PJA2: variants seen among roughly 807,000 people sequenced by gnomAD.
The protein encoded by PJA2 is praja ring finger ubiquitin ligase 2.
In PJA2, 25 loss-of-function variants were observed where a neutral mutation model predicts 69.3. The observed-to-expected ratio is 0.36, with a 90% confidence interval of 0.26 to 0.50. The LOEUF (loss-of-function observed/expected upper bound fraction) is 0.50, where lower values mean the gene tolerates loss of function less well. PJA2 is among the 20% of genes least tolerant of loss of function. The pLI is 0.96. For missense variants in PJA2, 809 were observed against 830.2 expected (o/e 0.97, Z 0.31); for synonymous variants, 308 against 277.8 (o/e 1.11, Z -1.08).
chr5:109,364,550 G>A, intron 5 of PJA2, among the ~76,000 whole-genome samples: 1 of 149,578 alleles, frequency 6.7e-6, no homozygotes, highest in African/African-American at 2.5e-5. Flanking sequence ...GTGAACCCGG[G>A]AGGCGGAGCT....
intron 1 of PJA2, among the ~76,000 whole-genome samples, chr5:109,408,021 G>C (rs75387065): frequency 0.03 from 4,612 of 152,144 alleles, 91 homozygotes; most frequent in Middle Eastern, 0.048. Flanking sequence ...AAACATTCAA[G>C]AATATTTTCA....
At chr5:109,387,869 T>G (rs1747194794) in intron 1 of PJA2, among the ~76,000 whole-genome samples, 1 of 152,214 alleles carries the variant, frequency 6.6e-6, no homozygotes, top group Non-Finnish European at 1.5e-5. Flanking sequence ...TCTAGTACAT[T>G]GTCTGACAGT....
intron 1 of PJA2, among the ~76,000 whole-genome samples, chr5:109,398,071 T>C (rs911188171): frequency 4.6e-5 from 7 of 152,148 alleles, no homozygotes; most frequent in Admixed American, 2.0e-4. Flanking sequence ...TCACTGGCCA[T>C]CAGAGAAATG....
chr5:109,378,612 T>C lies in PJA2; in HGVS notation c.875A>G (p.His292Arg), dbSNP rs765800510. ...ATTGGTATTTTGTTCACTACAAATATGCCCTGGACCACAGGCTGCATCTTC... is the reference window on the plus strand; with the variant it reads ...ATTGGTATTTTGTTCACTACAAATACGCCCTGGACCACAGGCTGCATCTTC... ...SPEDAACGPG[H>R]ICSEQNTNDR... The change falls in exon 4 of 10, where the codon CAT (histidine) becomes CGT (arginine). Residue 292 changes from histidine to arginine, a missense_variant. His to Arg is a conservative substitution (Grantham distance 29, BLOSUM62 0). This residue lies in a region of PJA2 where 700 missense variants were observed against 639.5 expected (regional missense o/e 1.09). Transcript: ENST00000361189. 7 of 1,614,240 alleles carry C rather than the reference T, an allele frequency of 4.3e-6. No individual in the cohort carries two copies. The highest frequency in any genetic ancestry group is 2.2e-5 in the South Asian group (2 of 91,086).
At chr5:109,368,768 A>G (rs757835682) in intron 4 of PJA2, 22 bp from the exon 5 acceptor site, 3 of 1,603,002 alleles carry the variant, frequency 1.9e-6, no homozygotes, top group Non-Finnish European at 2.6e-6. Flanking sequence ...AAGAGAAATA[A>G]ACTATCATAA....
chr5:109,341,413 C>A (rs1263514153), intron 9 of PJA2, among the ~76,000 whole-genome samples: 1 of 144,656 alleles, frequency 6.9e-6, no homozygotes, highest in Admixed American at 6.8e-5. Flanking sequence ...GCAACCACCC[C>A]GTCTGAGAAG....
chr5:109,391,097 T>TA (rs576262451), intron 1 of PJA2, among the ~76,000 whole-genome samples: 126 of 152,288 alleles, frequency 8.3e-4, no homozygotes, highest in African/African-American at 2.8e-3. Context: ...AAACCCATTG[T>TA]AAAGTTGAAA....
intron 4 of PJA2, 73 bp from the exon 5 acceptor site, chr5:109,368,819 G>T: frequency 1.4e-6 from 2 of 1,441,612 alleles, no homozygotes; most frequent in African/African-American, 1.4e-5. Context: ...TTAACTAGAT[G>T]ATATGGTTTG....
At position 109,378,925 on chromosome 5, in the gene PJA2, C is replaced by A; in HGVS notation, c.562G>T (p.Val188Leu). The change falls in exon 4 of 10, where the codon GTG (valine) becomes TTG (leucine). Residue 188 changes from valine to leucine, a missense_variant. Coordinates refer to ENST00000361189, the MANE Select transcript of PJA2 (RefSeq NM_014819.5). ...NDHLQLSAEV[V>L]EGSRYQESLG... Reference sequence around the variant, plus strand: ...GATTCCTGGTATCTACTACCTTCCACGACTTCTGCAGAAAGTTGAAGATGG... The same window carrying A: ...GATTCCTGGTATCTACTACCTTCCAAGACTTCTGCAGAAAGTTGAAGATGG... 1 of 1,614,172 alleles carries A rather than the reference C, an allele frequency of 6.2e-7. No homozygotes were observed. Among genetic ancestry groups the A allele is most frequent in the Non-Finnish European group, 8.5e-7 (1 of 1,180,040 alleles).
At chr5:109,404,233 T>C (rs751296831) in intron 1 of PJA2, among the ~76,000 whole-genome samples, 13 of 151,878 alleles carry the variant, frequency 8.6e-5, no homozygotes, top group Non-Finnish European at 1.8e-4. Flanking sequence ...CAGAAATTTA[T>C]TTCTCGGCTG....
At chr5:109,360,105 A>T (rs916881155) in intron 6 of PJA2, among the ~76,000 whole-genome samples, 1 of 152,208 alleles carries the variant, frequency 6.6e-6, no homozygotes, top group African/African-American at 2.4e-5. Context: ...TGTAAGTATA[A>T]AATTATATCA....
chr5:109,358,059 C>T (rs574301651), intron 6 of PJA2, among the ~76,000 whole-genome samples: 2 of 152,302 alleles, frequency 1.3e-5, no homozygotes, highest in South Asian at 4.1e-4. Context: ...AACAGGCCCT[C>T]CCAAAATCTG....
rs756899669 is a variant in PJA2 at position 109,378,708 on chromosome 5, G to A, written c.779C>T (p.Ser260Phe). The A allele has an allele frequency of 5.5e-5, 88 of 1,613,284 alleles. No homozygotes were observed. Among genetic ancestry groups the A allele is most frequent in the Non-Finnish European group, 7.2e-5 (85 of 1,180,034 alleles). Residue 260 changes from serine to phenylalanine, a missense_variant, in exon 4 of 10, where the codon TCT becomes TTT. Ser to Phe is a radical substitution (Grantham distance 155). This residue lies in a region of PJA2 where 700 missense variants were observed against 639.5 expected (regional missense o/e 1.09). Coordinates refer to ENST00000361189, the MANE Select transcript of PJA2 (RefSeq NM_014819.5). ...HQNSQEIQRSSQDEMVSTKQQ... is the reference protein window; with the variant it reads ...HQNSQEIQRSFQDEMVSTKQQ... ...TTTCGTACTAACCATTTCATCTTGA[G>A]AAGACCTCTGAATTTCCTGGCTATT...
rs545902460 is a variant in PJA2, at chr5:109,384,713, A to G, written c.-87-1193T>C. On this transcript the variant is annotated intron_variant, in intron 1 of 9. Coordinates refer to ENST00000361189, the MANE Select transcript of PJA2 (RefSeq NM_014819.5). ...GTAACAAGTTATGATCCTTTAAAGTATCTGAATCAAAAGAGGCTGTTAGCA... is the reference window on the plus strand; with the variant it reads ...GTAACAAGTTATGATCCTTTAAAGTGTCTGAATCAAAAGAGGCTGTTAGCA... Among the ~76,000 whole-genome samples the G allele has an allele frequency of 2.8e-4, 42 of 152,368 alleles. No individual in the cohort carries two copies. In the South Asian group the frequency reaches 5.6e-3, roughly 20 times the overall value.
intron 4 of PJA2, among the ~76,000 whole-genome samples, 176 bp from the exon 5 acceptor site, chr5:109,368,922 C>A (rs1355051435): frequency 2.6e-5 from 4 of 151,982 alleles, no homozygotes; most frequent in Non-Finnish European, 5.9e-5. Flanking sequence ...GGGGGTGTAT[C>A]CTTCATAAGA....
At chr5:109,392,789 A>G (rs532788137) in intron 1 of PJA2, among the ~76,000 whole-genome samples, 1 of 152,156 alleles carries the variant, frequency 6.6e-6, no homozygotes, top group Non-Finnish European at 1.5e-5. Flanking sequence ...CACTGAACAC[A>G]CTACATTAAT....
intron 5 of PJA2, among the ~76,000 whole-genome samples, chr5:109,363,859 A>G (rs941052616): frequency 6.6e-6 from 1 of 152,198 alleles, no homozygotes; most frequent in Non-Finnish European, 1.5e-5. Flanking sequence ...AAGAAAAAAA[A>G]GGACTCATTA....
At chr5:109,389,481 T>C (rs1458231570) in intron 1 of PJA2, among the ~76,000 whole-genome samples, 1 of 152,224 alleles carries the variant, frequency 6.6e-6, no homozygotes, top group Middle Eastern at 3.4e-3. Context: ...GGATCTGTAG[T>C]GAAGTCTCTT....
Position 109,378,483 on chromosome 5 carries a change from C to G in PJA2, c.1004G>C (p.Arg335Thr), listed in dbSNP as rs779270652. The change falls in exon 4 of 10, where the codon AGG (arginine) becomes ACG (threonine). Residue 335 changes from arginine (R) to threonine (T), a missense_variant. Arg to Thr is a moderately conservative substitution (Grantham distance 71, BLOSUM62 -1). Transcript: ENST00000361189. ...SQVDQETGFN[R>T]HEAKQRSVQR... ...AACACTTCTTTGTTTCGCCTCATGCCTATTAAAACCTGTTTCTTGGTCCAC... is the reference window on the plus strand; with the variant it reads ...AACACTTCTTTGTTTCGCCTCATGCGTATTAAAACCTGTTTCTTGGTCCAC... 15 of 1,614,054 alleles carry G rather than the reference C, an allele frequency of 9.3e-6. No individual in the cohort carries two copies. The highest frequency in any genetic ancestry group is 2.2e-5 in the East Asian group (1 of 44,896).
Sources: allele counts gnomAD v4.1 joint callset (sites outside exome capture counted in the v4.1 genomes callset), GRCh38; gene constraint gnomAD v4.1.1; regional missense constraint gnomAD v4.1.1; transcripts MANE v1.5; gene names NCBI Gene and HGNC (gene_info 2026-07-23, HGNC 2026-07-21).